The following ANKS1B variants were observed in gnomAD, a reference collection of about 807,000 sequenced individuals.
The protein encoded by ANKS1B is ankyrin repeat and sterile alpha motif domain-containing protein 1B.
In ANKS1B, 36 loss-of-function variants were observed where a neutral mutation model predicts 148.3. That is an observed-to-expected ratio of 0.24 (90% CI 0.19 to 0.32). The LOEUF (loss-of-function observed/expected upper bound fraction) is 0.32, where lower values mean the gene tolerates loss of function less well. Among genes scored for constraint, ANKS1B ranks in the 10% least tolerant of loss-of-function variants. The pLI, the probability that ANKS1B is intolerant of heterozygous loss-of-function variation, is 1.00. For synonymous variants in ANKS1B, 542 were observed against 560.8 expected, an observed-to-expected ratio of 0.97 and a Z score of 0.47; for missense variants, 1,157 against 1,542.6, an observed-to-expected ratio of 0.75 and a Z score of 4.19.
chr12:99,666,798 T>C (rs2098509499), intron 8 of ANKS1B, among the ~76,000 whole-genome samples: 1 of 151,848 alleles, frequency 6.6e-6, no homozygotes, highest in Admixed American at 6.6e-5. Flanking sequence ...ATATGTATAA[T>C]TGTGAATTAC....
At chr12:98,767,326 G>A (rs1280729236) in intron 25 of ANKS1B, among the ~76,000 whole-genome samples, 1 of 152,102 alleles carries the variant, frequency 6.6e-6, no homozygotes, top group East Asian at 1.9e-4. Context: ...ATGTTTTCCT[G>A]CGTTTTGTCA....
chr12:98,814,923 A>G (rs1594544616), intron 19 of ANKS1B, among the ~76,000 whole-genome samples: 1 of 152,318 alleles, frequency 6.6e-6, no homozygotes, highest in Middle Eastern at 3.4e-3. Context: ...TGTTTTCTTA[A>G]AATGCAATGC....
At chr12:99,308,427 C>A (rs2082649497) in intron 12 of ANKS1B, among the ~76,000 whole-genome samples, 2 of 151,942 alleles carry the variant, frequency 1.3e-5, no homozygotes, top group Non-Finnish European at 2.9e-5. Flanking sequence ...GGCTGGTACA[C>A]AAATGTTTGT....
At position 99,559,665 on chromosome 12, in the gene ANKS1B, C is replaced by T. The variant is rs182491662; in HGVS notation, c.1273-55024G>A. 8.5e-5 allele frequency among the ~76,000 whole-genome samples: 13 copies of T among 152,134 alleles called. No homozygotes were observed. The East Asian group carries it at 2.5e-3, about 29-fold the overall frequency. On this transcript the variant is annotated intron_variant, in intron 9 of 26. Transcript: ENST00000683438. ...TGAGGTAGGTTTTATTTTCCCTGTT[C>T]TCAGAAAAAGAAACAGGTTCAGCAA...
intron 17 of ANKS1B, among the ~76,000 whole-genome samples, chr12:98,993,543 C>T (rs1249382800): frequency 1.3e-5 from 2 of 151,896 alleles, no homozygotes; most frequent in Non-Finnish European, 2.9e-5. Context: ...CTCTCCATTT[C>T]GTATATTTAT....
chr12:99,164,367 A>T (rs1301986483), intron 14 of ANKS1B, among the ~76,000 whole-genome samples: 4 of 152,100 alleles, frequency 2.6e-5, no homozygotes, highest in African/African-American at 4.8e-5. Context: ...AATGACAATC[A>T]TGCTTGATTT....
At chr12:99,326,494 A>C (rs147476990) in intron 12 of ANKS1B, among the ~76,000 whole-genome samples, 120 of 132,150 alleles carry the variant, frequency 9.1e-4, no homozygotes, top group Admixed American at 5.4e-3. Context: ...TTCTAATTTC[A>C]CTCCTTCTTC....
intron 17 of ANKS1B, among the ~76,000 whole-genome samples, chr12:98,857,648 T>A (rs566804686): frequency 1.3e-4 from 20 of 151,642 alleles, no homozygotes; most frequent in South Asian, 1.0e-3. Flanking sequence ...TAAATATGAA[T>A]AAATGAATGA....
chr12:98,936,272 A>G (rs2099818536), intron 17 of ANKS1B, among the ~76,000 whole-genome samples: 1 of 152,186 alleles, frequency 6.6e-6, no homozygotes, highest in South Asian at 2.1e-4. Context: ...TTAGAATTCA[A>G]ACCCAGGTCC....
chr12:98,843,997 T>C (rs1040745503), intron 17 of ANKS1B, among the ~76,000 whole-genome samples: 5 of 152,174 alleles, frequency 3.3e-5, no homozygotes, highest in South Asian at 4.1e-4. Context: ...GGTCAGAGAA[T>C]CCTTCCCATC....
intron 17 of ANKS1B, among the ~76,000 whole-genome samples, chr12:98,978,935 A>G (rs1264229328): frequency 6.6e-6 from 1 of 152,010 alleles, no homozygotes; most frequent in African/African-American, 2.4e-5. Flanking sequence ...TGAGGTCAGG[A>G]GATTGAGAAC....
intron 8 of ANKS1B, among the ~76,000 whole-genome samples, chr12:99,663,829 C>T (rs930297441): frequency 2.6e-5 from 4 of 152,266 alleles, no homozygotes; most frequent in Non-Finnish European, 4.4e-5. Flanking sequence ...TTTAATAGTA[C>T]ATGAGACATT....
intron 1 of ANKS1B, among the ~76,000 whole-genome samples, chr12:99,971,558 A>T (rs2095558277): frequency 6.6e-6 from 1 of 152,000 alleles, no homozygotes; most frequent in Admixed American, 6.6e-5. Context: ...CAGATTACTA[A>T]CTAGAGGTAC....
At chr12:98,826,886 GA>G (rs1264546901) in intron 19 of ANKS1B, among the ~76,000 whole-genome samples, 1 of 152,046 alleles carries the variant, frequency 6.6e-6, no homozygotes, top group African/African-American at 2.4e-5. Flanking sequence ...AACTTCAGGG[GA>G]AAAAGTATGG....
chr12:98,807,493 A>G (rs1013233285), intron 20 of ANKS1B, among the ~76,000 whole-genome samples: 6 of 151,854 alleles, frequency 4.0e-5, no homozygotes, highest in African/African-American at 1.2e-4. Flanking sequence ...GGGGAGGAAT[A>G]ATGCTGATAT....
At chr12:98,876,083 C>T (rs2099688744) in intron 17 of ANKS1B, among the ~76,000 whole-genome samples, 1 of 152,204 alleles carries the variant, frequency 6.6e-6, no homozygotes, top group Admixed American at 6.5e-5. Context: ...CAAAGTGACC[C>T]TTCCCACCTA....
chr12:99,346,068 T>C (rs769133668), intron 12 of ANKS1B, among the ~76,000 whole-genome samples: 8 of 151,964 alleles, frequency 5.3e-5, no homozygotes, highest in African/African-American at 9.7e-5. Flanking sequence ...CTAATTTCGA[T>C]GCCACATGCT....
chr12:99,958,030 A>C (rs564443413), intron 1 of ANKS1B, among the ~76,000 whole-genome samples: 1 of 152,374 alleles, frequency 6.6e-6, no homozygotes, highest in Non-Finnish European at 1.5e-5. Context: ...AGTGCTAAAA[A>C]TAGATGCATG....
intron 12 of ANKS1B, among the ~76,000 whole-genome samples, chr12:99,360,527 G>A (rs140023021): frequency 2.6e-5 from 4 of 152,056 alleles, no homozygotes; most frequent in Non-Finnish European, 4.4e-5. Context: ...TTTTGGGCTG[G>A]TCCCTGTGAT....
Sources: gnomAD v4.1 joint callset for allele counts (sites outside exome capture counted in the v4.1 genomes callset) on GRCh38, gnomAD v4.1.1 for gene constraint, MANE v1.5 for transcripts, NCBI Gene and HGNC (gene_info 2026-07-23, HGNC 2026-07-21) for gene names.